Variants in IPPK observed in about 807,000 individuals in gnomAD.
The protein encoded by IPPK is IPK1 homolog.
In IPPK, 22 loss-of-function variants were observed where a neutral mutation model predicts 64.6. That is an observed-to-expected ratio of 0.34 (90% CI 0.24 to 0.49). The LOEUF is 0.49. Ranked by LOEUF, IPPK falls within the 20% of genes least tolerant of loss-of-function variation. The pLI, the probability that IPPK is intolerant of heterozygous loss-of-function variation, is 0.99. For missense variants in IPPK, 532 were observed against 630.7 expected, an observed-to-expected ratio of 0.84 and a Z score of 1.68; for synonymous variants, 262 against 247.2, an observed-to-expected ratio of 1.06 and a Z score of -0.56.
At chr9:92,621,898 C>T (rs555176571) in intron 11 of IPPK, among the ~76,000 whole-genome samples, 16 of 152,066 alleles carry the variant, frequency 1.1e-4, no homozygotes, top group African/African-American at 2.7e-4. Flanking sequence ...GTCTAGGCCT[C>T]GACACCAAGG....
chr9:92,668,933 G>A (rs1401865516), intron 1 of IPPK, among the ~76,000 whole-genome samples: 1 of 152,228 alleles, frequency 6.6e-6, no homozygotes, highest in Non-Finnish European at 1.5e-5. Flanking sequence ...CAAGCTGTTC[G>A]ACTCGGGCAA....
At chr9:92,662,523 C>CAA (rs368530793) in intron 1 of IPPK, among the ~76,000 whole-genome samples, 4 of 127,502 alleles carry the variant, frequency 3.1e-5, no homozygotes, top group Non-Finnish European at 3.4e-5. Flanking sequence ...AACTCCGTCT[C>CAA]AAAAAAAAAA....
chr9:92,632,583 G>A (rs1851865164), intron 11 of IPPK, among the ~76,000 whole-genome samples: 1 of 152,212 alleles, frequency 6.6e-6, no homozygotes, highest in Admixed American at 6.5e-5. Context: ...CCGCCACACT[G>A]CTGTTTATAC....
At chr9:92,629,276 A>C (rs1211647539) in intron 11 of IPPK, among the ~76,000 whole-genome samples, 1 of 152,192 alleles carries the variant, frequency 6.6e-6, no homozygotes, top group Admixed American at 6.6e-5. Context: ...AGTATGAACA[A>C]CCTAAGAAAA....
chr9:92,646,195 T>G (rs1852147451), intron 6 of IPPK, among the ~76,000 whole-genome samples: 1 of 152,166 alleles, frequency 6.6e-6, no homozygotes, highest in South Asian at 2.1e-4. Context: ...TTCAGGTTAT[T>G]ATCTTAAATT....
At chr9:92,648,196 A>C in intron 5 of IPPK, 48 bp from the exon 6 acceptor site, 1 of 1,293,440 alleles carries the variant, frequency 7.7e-7, no homozygotes, top group Non-Finnish European at 1.1e-6. Flanking sequence ...AAGAAATCAC[A>C]TACCTCTAAA....
intron 6 of IPPK, among the ~76,000 whole-genome samples, chr9:92,643,574 G>A (rs1470700724): frequency 2.0e-5 from 3 of 148,494 alleles, no homozygotes; most frequent in African/African-American, 7.4e-5. Flanking sequence ...TGGATACAGT[G>A]TAATGTCAAT....
chr9:92,644,335 C>T (rs527963324), intron 6 of IPPK, among the ~76,000 whole-genome samples: 1 of 152,314 alleles, frequency 6.6e-6, no homozygotes, highest in Admixed American at 6.5e-5. Flanking sequence ...ATCCCTGTAT[C>T]TCTAGCTCCA....
At chr9:92,622,016 A>T (rs746973742) in intron 11 of IPPK, among the ~76,000 whole-genome samples, 5 of 152,262 alleles carry the variant, frequency 3.3e-5, no homozygotes, top group Non-Finnish European at 5.9e-5. Context: ...TCATACAGAA[A>T]AAGAACACAT....
chr9:92,653,706 G>A (rs772187625), intron 3 of IPPK, among the ~76,000 whole-genome samples: 30 of 152,046 alleles, frequency 2.0e-4, no homozygotes, highest in Non-Finnish European at 3.8e-4. Flanking sequence ...AAAATTAGCC[G>A]GGTGTGGTGG....
At chr9:92,666,079 G>C (rs1852590057) in intron 1 of IPPK, among the ~76,000 whole-genome samples, 1 of 152,138 alleles carries the variant, frequency 6.6e-6, no homozygotes, top group South Asian at 2.1e-4. Context: ...CCACACATGT[G>C]ATCAATTTAG....
rs1162543527 is a variant in IPPK, at chr9:92,614,725, A to G, written c.*1107T>C. The G allele has an allele frequency of 6.5e-6, 1 of 152,680 alleles. No homozygotes were observed. The highest frequency in any genetic ancestry group is 2.4e-5 in the African/African-American group (1 of 41,464). The allele number at this position is 152,680 out of a possible 1,614,324, so 9.5% of individuals were successfully genotyped here. A position where few individuals can be genotyped will look rare whatever the true frequency, so the allele number is the denominator to read the frequency against. On this transcript the variant is annotated 3_prime_UTR_variant, in exon 13 of 13. Transcript: ENST00000287996. ...CCTCCATTAGTCCCTCAAAACGATG[A>G]TATAAATAAGTCTGTACAACCTAGC...
In IPPK at chr9:92,665,297, GAA is replaced by G. The variant is rs956297865; in HGVS notation, c.81+4609_81+4610del. Among the ~76,000 whole-genome samples, 23 of 152,268 alleles carry G rather than the reference GAA, an allele frequency of 1.5e-4. No individual in the cohort carries two copies. The South Asian group carries it at 4.6e-3, about 30-fold the overall frequency. On this transcript the variant is annotated intron_variant, in intron 1 of 12. Coordinates refer to ENST00000287996, the MANE Select transcript of IPPK (RefSeq NM_022755.6). ...GGCTTGGGCACATGTTATACAGTCA[GAA>G]AAAAACAGAGAACATAAACGTATGT...
At chr9:92,651,645 C>A (rs1852268693) in intron 4 of IPPK, among the ~76,000 whole-genome samples, 1 of 152,316 alleles carries the variant, frequency 6.6e-6, no homozygotes, top group Admixed American at 6.5e-5. Flanking sequence ...CCTTCCCGTT[C>A]CTAAGTCTGC....
chr9:92,659,452 C>T (rs1852437023), intron 1 of IPPK, among the ~76,000 whole-genome samples: 1 of 152,192 alleles, frequency 6.6e-6, no homozygotes, highest in Admixed American at 6.5e-5. Context: ...TTTAACATCT[C>T]CAAGTAGCAA....
Position 92,626,225 on chromosome 9 carries a change from A to ATGG in IPPK, c.1171-6661_1171-6660insCCA, listed in dbSNP as rs1395446066. Among the ~76,000 whole-genome samples, 38 of 152,166 alleles carry ATGG rather than the reference A, an allele frequency of 2.5e-4. No individual in the cohort carries two copies. In the East Asian group the frequency reaches 6.8e-3, roughly 27 times the overall value. Reference sequence around the variant, plus strand: ...ATCCTGACTAACACGGCGAAACCCCATCTCTACTAAAAATACAAAAAATTA... The same window carrying ATGG: ...ATCCTGACTAACACGGCGAAACCCCATGGTCTCTACTAAAAATACAAAAAATTA... On this transcript the variant is annotated intron_variant, in intron 11 of 12. Transcript: ENST00000287996.
At chr9:92,661,867 G>A (rs1852491697) in intron 1 of IPPK, among the ~76,000 whole-genome samples, 1 of 152,250 alleles carries the variant, frequency 6.6e-6, no homozygotes, top group African/African-American at 2.4e-5. Flanking sequence ...GCCGAGGTGG[G>A]TGGTCCCCAA....
At chr9:92,622,364 A>G (rs773428270) in intron 11 of IPPK, among the ~76,000 whole-genome samples, 46 of 152,210 alleles carry the variant, frequency 3.0e-4, no homozygotes, top group African/African-American at 7.0e-4. Flanking sequence ...AAAACATCAA[A>G]TTCACAGACT....
At position 92,670,069 on chromosome 9, in the gene IPPK, CGCTGCGGTCGGG is replaced by C; in HGVS notation, c.-93_-82del. 1 of 1,055,950 alleles carries C rather than the reference CGCTGCGGTCGGG, an allele frequency of 9.5e-7. No individual in the cohort carries two copies. Among genetic ancestry groups the C allele is most frequent in the South Asian group, 1.4e-5 (1 of 69,034 alleles). 65.4% of individuals were successfully genotyped at this position (1,055,950 alleles called of 1,614,324 possible). ...GCCGCCCGCCTCGCTGGGAACCAGC[CGCTGCGGTCGGG>C]GGAGGAGCGCCTGTCAGCTGCCGCC... On this transcript the variant is annotated 5_prime_UTR_variant, in exon 1 of 13. Transcript: ENST00000287996.
Sources: allele counts gnomAD v4.1 joint callset (sites outside exome capture counted in the v4.1 genomes callset), GRCh38; gene constraint gnomAD v4.1.1; transcripts MANE v1.5; gene names NCBI Gene and HGNC (gene_info 2026-07-23, HGNC 2026-07-21).